ST3GAL6: variants seen among roughly 807,000 people sequenced by gnomAD.
ST3GAL6 encodes ST3 beta-galactoside alpha-2,3-sialyltransferase 6.
ST3GAL6 carries 31 observed loss-of-function variants against 40.5 expected under a neutral mutation model. The ratio of observed to expected loss-of-function variants is 0.77; its 90% CI spans 0.58 to 1.03. The LOEUF is 1.03. ST3GAL6 is among the 50% of genes least tolerant of loss of function. ST3GAL6 has a pLI of 0.00. For missense variants in ST3GAL6, 357 were observed against 393.2 expected, an observed-to-expected ratio of 0.91 and a Z score of 0.78; for synonymous variants, 129 against 136.9, an observed-to-expected ratio of 0.94 and a Z score of 0.40.
At chr3:98,786,934 A>T (rs1940774052) in intron 6 of ST3GAL6, among the ~76,000 whole-genome samples, 1 of 145,740 alleles carries the variant, frequency 6.9e-6, no homozygotes, top group Admixed American at 7.0e-5. Context: ...AAAGGTCAAG[A>T]TAAGGTCATC....
At chr3:98,759,658 A>G (rs1219576863), upstream of ST3GAL6, among the ~76,000 whole-genome samples, 1 of 151,914 alleles carries the variant, frequency 6.6e-6, no homozygotes, top group Non-Finnish European at 1.5e-5. Flanking sequence ...GTAGTATGAT[A>G]CGTAAGTCCT....
intron 1 of ST3GAL6, among the ~76,000 whole-genome samples, chr3:98,757,673 G>C (rs1203051218): frequency 6.6e-6 from 1 of 152,198 alleles, no homozygotes; most frequent in East Asian, 1.9e-4. Flanking sequence ...TGGGTATCCC[G>C]GGGGAAGTTA....
intron 1 of ST3GAL6, among the ~76,000 whole-genome samples, chr3:98,763,688 C>A (rs1938027418): frequency 6.7e-6 from 1 of 150,148 alleles, no homozygotes; most frequent in Admixed American, 6.6e-5. Flanking sequence ...CAGAAGGGTG[C>A]CTCACCCCAG....
chr3:98,757,999 G>C lies in ST3GAL6; in HGVS notation c.-11-10431G>C, dbSNP rs190099217. On this transcript the variant is annotated intron_variant, in intron 1 of 9. Transcript: ENST00000265261. ...CTACAGGCGTGCACCACCACGTCTA[G>C]CTAATTTTTGTATTATTTAGTAGAG... Among the ~76,000 whole-genome samples the C allele has an allele frequency of 1.2e-3, 184 of 152,138 alleles. 2 individuals carry two copies. Among genetic ancestry groups the C allele is most frequent in the Admixed American group, 0.011 (175 of 15,284 alleles).
chr3:98,733,341 G>C, intron 1 of ST3GAL6: 1 of 1,131,734 alleles, frequency 8.8e-7, no homozygotes, highest in Non-Finnish European at 1.1e-6. Context: ...TGGGGGCCGA[G>C]AGAATCTGCT....
At position 98,785,912 on chromosome 3, in the gene ST3GAL6, A is replaced by C. The variant is rs1320911101; in HGVS notation, c.431+872A>C. 2.0e-5 allele frequency among the ~76,000 whole-genome samples: 3 copies of C among 152,300 alleles called. No individual in the cohort carries two copies. The East Asian group carries it at 5.8e-4, about 29-fold the overall frequency. On this transcript the variant is annotated intron_variant, in intron 6 of 9. Transcript: ENST00000483910. ...GACTGACTGAAGATGTGTTTTAGAC[A>C]TAGAGTTATCGGGATTTGTTGCCGT...
In ST3GAL6 at chr3:98,769,508, A is replaced by C. The variant is rs919851709; in HGVS notation, c.89+979A>C. On this transcript the variant is annotated intron_variant, in intron 2 of 9. Transcript: ENST00000483910. Reference sequence around the variant, plus strand: ...TCCTACCCTTAGTAGTAGAAGACAAAAATAGAAGAGAAAGCAAAAAGCTTA... The same window carrying C: ...TCCTACCCTTAGTAGTAGAAGACAACAATAGAAGAGAAAGCAAAAAGCTTA... 5.9e-5 allele frequency among the ~76,000 whole-genome samples: 9 copies of C among 152,336 alleles called. No individual in the cohort carries two copies. In the South Asian group the frequency reaches 1.9e-3, roughly 32 times the overall value.
chr3:98,773,766 G>A (rs1271601669), intron 4 of ST3GAL6, among the ~76,000 whole-genome samples, 154 bp from the exon 5 acceptor site: 2 of 152,098 alleles, frequency 1.3e-5, no homozygotes, highest in Non-Finnish European at 2.9e-5. Flanking sequence ...AGTAGTGCTG[G>A]CTAATTGCAG....
chr3:98,775,100 ACAGTTTGTTACACTTG>A (rs1939396352), intron 5 of ST3GAL6, among the ~76,000 whole-genome samples: 2 of 152,176 alleles, frequency 1.3e-5, no homozygotes, highest in African/African-American at 4.8e-5. Context: ...GGCTAGGCAC[ACAGTTTGTTACACTTG>A]GTAAATGCCA....
intron 8 of ST3GAL6, among the ~76,000 whole-genome samples, chr3:98,791,429 G>T (rs918378899): frequency 6.6e-5 from 10 of 152,160 alleles, no homozygotes; most frequent in African/African-American, 2.4e-4. Flanking sequence ...CCATCCGTTT[G>T]TGAATGAAGC....
intron 8 of ST3GAL6, among the ~76,000 whole-genome samples, chr3:98,790,825 A>G (rs1297913960): frequency 1.3e-5 from 2 of 152,110 alleles, no homozygotes; most frequent in Non-Finnish European, 2.9e-5. Flanking sequence ...AGGAAGTAGA[A>G]GACATGAAAA....
intron 1 of ST3GAL6, among the ~76,000 whole-genome samples, chr3:98,744,247 C>T (rs1936366849): frequency 6.6e-6 from 1 of 152,236 alleles, no homozygotes; most frequent in African/African-American, 2.4e-5. Context: ...GCCTCCAGAA[C>T]TGTGAGACAG....
chr3:98,778,394 T>C (rs1241660425), intron 5 of ST3GAL6, among the ~76,000 whole-genome samples: 1 of 152,230 alleles, frequency 6.6e-6, no homozygotes. Context: ...GTCCTAACTC[T>C]AAACGGAATA....
At chr3:98,763,944 C>T (rs1267939768) in intron 1 of ST3GAL6, among the ~76,000 whole-genome samples, 1 of 152,018 alleles carries the variant, frequency 6.6e-6, no homozygotes, top group Non-Finnish European at 1.5e-5. Context: ...CTCAGACTCT[C>T]TTTCTGTGGG....
At chr3:98,764,542 C>T (rs1186902710) in intron 1 of ST3GAL6, among the ~76,000 whole-genome samples, 1 of 152,132 alleles carries the variant, frequency 6.6e-6, no homozygotes, top group Non-Finnish European at 1.5e-5. Context: ...GAGAAATGTT[C>T]AGTAATGTTT....
chr3:98,794,009 G>A lies in ST3GAL6; in HGVS notation c.*248G>A. Reference sequence around the variant, plus strand: ...TTTTTAAAATAAGCTAGTTTTCTGAGGTGTTTTCACACGTCTTTTTATAGT... The same window carrying A: ...TTTTTAAAATAAGCTAGTTTTCTGAAGTGTTTTCACACGTCTTTTTATAGT... On this transcript the variant is annotated 3_prime_UTR_variant, in exon 10 of 10. Coordinates refer to ENST00000483910, the MANE Select transcript of ST3GAL6 (RefSeq NM_001323368.2). 3.5e-6 allele frequency: 1 copy of A among 284,736 alleles called. No individual in the cohort carries two copies. The highest frequency in any genetic ancestry group is 6.5e-6 in the Non-Finnish European group (1 of 153,398). 17.6% of individuals were successfully genotyped at this position (284,736 alleles called of 1,614,324 possible).
chr3:98,768,514 G>C lies in ST3GAL6; in HGVS notation c.74G>C (p.Gly25Ala). 6.2e-7 allele frequency: 1 copy of C among 1,610,598 alleles called. No individual in the cohort carries two copies. The highest frequency in any genetic ancestry group is 8.5e-7 in the Non-Finnish European group (1 of 1,177,218). Reference protein sequence around the residue: ...LYYVLHCILWGTNVYWVAPVE... With the variant: ...LYYVLHCILWATNVYWVAPVE... ...TATGTACTGCATTGCATATTATGGG[G>C]AACGAATGTCTATTGGTAAGTTTCA... The change falls in exon 2 of 10, where the codon GGA becomes GCA. Residue 25 changes from glycine (G) to alanine (A), a missense_variant. Physicochemically the swap from Gly to Ala is moderately conservative, Grantham distance 60. Transcript: ENST00000483910.
chr3:98,741,051 AGTGTGTGTGT>A (rs35649214), intron 1 of ST3GAL6, among the ~76,000 whole-genome samples: 4 of 145,120 alleles, frequency 2.8e-5, no homozygotes, highest in Non-Finnish European at 4.5e-5. Context: ...AGAGGGATTC[AGTGTGTGTGT>A]GTGTGTGTGT....
In ST3GAL6 at chr3:98,791,920, T is replaced by G. The variant is rs756831668; in HGVS notation, c.836T>G (p.Phe279Cys). 5 of 1,614,102 alleles carry G rather than the reference T, an allele frequency of 3.1e-6. No homozygotes were observed. Among genetic ancestry groups the G allele is most frequent in the Non-Finnish European group, 3.4e-6 (4 of 1,179,944 alleles). The change falls in exon 9 of 10, where the codon TTT (phenylalanine) becomes TGT (cysteine). Residue 279 changes from phenylalanine (F) to cysteine (C), a missense_variant. Phe to Cys is a radical substitution (Grantham distance 205). Transcript: ENST00000483910. The part of the protein sequence containing the change: ...YICHEVHLAG[F>C]KYNFSDLKSP... ...TGTCACGAAGTTCACCTAGCTGGTTTTAAATACAACTTTTCTGACCTCAAG... is the reference window on the plus strand; with the variant it reads ...TGTCACGAAGTTCACCTAGCTGGTTGTAAATACAACTTTTCTGACCTCAAG...
Sources: allele counts gnomAD v4.1 joint callset (sites outside exome capture counted in the v4.1 genomes callset), GRCh38; gene constraint gnomAD v4.1.1; transcripts MANE v1.5; gene names NCBI Gene and HGNC (gene_info 2026-07-23, HGNC 2026-07-21).